FAM20A: variants seen among roughly 807,000 people sequenced by gnomAD.
FAM20A encodes pseudokinase FAM20A.
In FAM20A, 42 loss-of-function variants were observed where a neutral mutation model predicts 52.0. That is an observed-to-expected ratio of 0.81 (90% CI 0.63 to 1.04). The LOEUF is 1.04. Ranked by LOEUF, FAM20A falls within the 50% of genes least tolerant of loss-of-function variation. The pLI, the probability that FAM20A is intolerant of heterozygous loss-of-function variation, is 0.00. For synonymous variants in FAM20A, 304 were observed against 298.9 expected, an observed-to-expected ratio of 1.02 and a Z score of -0.18; for missense variants, 742 against 712.7, an observed-to-expected ratio of 1.04 and a Z score of -0.47.
intron 1 of FAM20A, among the ~76,000 whole-genome samples, chr17:68,581,461 CCTTT>C (rs68182732): frequency 0.3 from 36,149 of 119,262 alleles, 6,344 homozygotes; most frequent in Admixed American, 0.41. Context: ...TTCTTTCTTT[CCTTT>C]CTTTCTTTCT....
intron 1 of FAM20A, among the ~76,000 whole-genome samples, chr17:68,559,723 C>T (rs1256015146): frequency 1.3e-5 from 2 of 152,310 alleles, no homozygotes; most frequent in East Asian, 1.9e-4. Context: ...TGAGTTAACC[C>T]GCTTCCCATC....
intron 1 of FAM20A, among the ~76,000 whole-genome samples, chr17:68,579,013 CAA>C (rs377749546): frequency 1.3e-4 from 13 of 103,354 alleles, no homozygotes; most frequent in Admixed American, 1.0e-4. Context: ...GACTCTGTTT[CAA>C]AAAAAAAAAA....
intron 1 of FAM20A, chr17:68,590,452 G>C (rs2088273591): frequency 6.6e-6 from 1 of 152,054 alleles, no homozygotes; most frequent in African/African-American, 2.4e-5. Context: ...GTGGGAGAAA[G>C]AGACATGAAC....
intron 1 of FAM20A, among the ~76,000 whole-genome samples, chr17:68,591,093 CTGTTTTGTTTTGTTTTGTT>C (rs2088292131): frequency 1.3e-5 from 2 of 149,832 alleles, no homozygotes; most frequent in Non-Finnish European, 3.0e-5. Context: ...TCCAAGGACT[CTGTTTTGTTTTGTTTTGTT>C]TTGTTTTGTT....
intron 1 of FAM20A, among the ~76,000 whole-genome samples, chr17:68,564,888 G>A (rs1446615516): frequency 3.9e-5 from 6 of 152,182 alleles, no homozygotes; most frequent in African/African-American, 1.4e-4. Flanking sequence ...GAGTGCTCCA[G>A]ACAGGGAGGG....
intron 1 of FAM20A, among the ~76,000 whole-genome samples, chr17:68,580,929 A>G (rs1435974047): frequency 6.6e-6 from 1 of 152,204 alleles, no homozygotes; most frequent in East Asian, 1.9e-4. Flanking sequence ...TGCTAGTACA[A>G]GGCAGCGTTG....
At position 68,535,741 on chromosome 17, in the gene FAM20A, A is replaced by C. The variant is rs141955376; in HGVS notation, c.*1736T>G. The C allele has an allele frequency of 1.3e-4, 61 of 452,242 alleles. No homozygotes were observed. In the East Asian group the frequency reaches 3.4e-3, roughly 25 times the overall value. The allele number at this position is 452,242 out of a possible 1,614,324, so 28.0% of individuals were successfully genotyped here. On this transcript the variant is annotated 3_prime_UTR_variant, in exon 11 of 11. Transcript: ENST00000592554. ...TACCCAGGCTGGTCTCGAGCTCCTG[A>C]GACCAAGCGATCTGCCTGTTTAGGC... is the stretch of plus-strand genomic sequence containing the variant.
chr17:68,572,253 G>T (rs1371870376), intron 1 of FAM20A, among the ~76,000 whole-genome samples: 1 of 151,576 alleles, frequency 6.6e-6, no homozygotes, highest in Non-Finnish European at 1.5e-5. Flanking sequence ...TCATAACCTG[G>T]CTCCCTTCTC....
chr17:68,569,989 C>T (rs2143791612), intron 1 of FAM20A, among the ~76,000 whole-genome samples: 1 of 152,296 alleles, frequency 6.6e-6, no homozygotes, highest in Non-Finnish European at 1.5e-5. Flanking sequence ...TGTTCATCCA[C>T]CCCAGACACC....
rs562476869 is a variant in FAM20A at position 68,601,149 on chromosome 17, G to A, written c.-483C>T. On this transcript the variant is annotated 5_prime_UTR_variant, in exon 1 of 11. Transcript: ENST00000592554. ...CTCGGCGGCGGCTGCTAGTGCTCCC[G>A]CGACTCCTCCTGCGGGCGGCGGAGA... is the stretch of plus-strand genomic sequence containing the variant. 4.9e-3 allele frequency: 750 copies of A among 152,440 alleles called. 8 individuals are homozygous for A. The highest frequency in any genetic ancestry group is 0.017 in the African/African-American group (727 of 41,572). 9.4% of individuals were successfully genotyped at this position (152,440 alleles called of 1,614,324 possible).
chr17:68,539,411 AG>A lies in FAM20A; in HGVS notation c.1302-16del. The A allele has an allele frequency of 6.2e-7, 1 of 1,613,658 alleles. No homozygotes were observed. Among genetic ancestry groups the A allele is most frequent in the Non-Finnish European group, 8.5e-7 (1 of 1,179,566 alleles). ...GTCGTCCGAACCTAGGAGGAGAAAC[AG>A]GCTTTTATGGGTGGCCGGCAGCATC... On this transcript the variant is annotated splice_polypyrimidine_tract_variant and intron_variant, in intron 9 of 10. Coordinates refer to ENST00000592554, the MANE Select transcript of FAM20A (RefSeq NM_017565.4).
intron 1 of FAM20A, among the ~76,000 whole-genome samples, chr17:68,595,526 C>T (rs887901983): frequency 1.3e-5 from 2 of 152,182 alleles, no homozygotes; most frequent in East Asian, 1.9e-4. Context: ...CAGCAAGGCT[C>T]TAATTGGGAG....
At chr17:68,553,262 T>C (rs1030286358) in intron 3 of FAM20A, among the ~76,000 whole-genome samples, 2 of 152,188 alleles carry the variant, frequency 1.3e-5, no homozygotes, top group African/African-American at 4.8e-5. Flanking sequence ...CCTTCTGCCA[T>C]GATTGTAAGT....
chr17:68,588,468 C>T (rs2088218876), intron 1 of FAM20A, among the ~76,000 whole-genome samples: 2 of 152,192 alleles, frequency 1.3e-5, no homozygotes, highest in Non-Finnish European at 2.9e-5. Context: ...TCTAGGGATG[C>T]CATAACAAAA....
rs539826484 is a variant in FAM20A, at chr17:68,545,897, C to T, written c.720-2176G>A. On this transcript the variant is annotated intron_variant, in intron 4 of 10. Transcript: ENST00000592554. Reference sequence around the variant, plus strand: ...GAAGCCACTCCTTATTGGTCGGGTGCGGTGGCTCATGCCTGTAATCCAAGC... The same window carrying T: ...GAAGCCACTCCTTATTGGTCGGGTGTGGTGGCTCATGCCTGTAATCCAAGC... 1.4e-4 allele frequency among the ~76,000 whole-genome samples: 21 copies of T among 152,262 alleles called. No homozygotes were observed. In the South Asian group the frequency reaches 3.9e-3, roughly 29 times the overall value.
chr17:68,558,960 C>G (rs1386499233), intron 1 of FAM20A, among the ~76,000 whole-genome samples: 1 of 152,124 alleles, frequency 6.6e-6, no homozygotes, highest in Non-Finnish European at 1.5e-5. Flanking sequence ...GTTTTACCAT[C>G]TTGGCCAGGG....
At chr17:68,572,377 G>T (rs746628718) in intron 1 of FAM20A, among the ~76,000 whole-genome samples, 1 of 152,096 alleles carries the variant, frequency 6.6e-6, no homozygotes, top group Non-Finnish European at 1.5e-5. Flanking sequence ...CAATCCAGGC[G>T]TATTTGTTGA....
chr17:68,554,440 T>G (rs2086996268), intron 3 of FAM20A, among the ~76,000 whole-genome samples: 1 of 152,172 alleles, frequency 6.6e-6, no homozygotes, highest in Non-Finnish European at 1.5e-5. Context: ...CATTTGCTTC[T>G]TGAATTTGAA....
At chr17:68,578,380 A>G (rs1314564410) in intron 1 of FAM20A, among the ~76,000 whole-genome samples, 1 of 152,172 alleles carries the variant, frequency 6.6e-6, no homozygotes. Context: ...GCTCACTCAG[A>G]TTAAATTCTT....
Sources: allele counts gnomAD v4.1 joint callset (sites outside exome capture counted in the v4.1 genomes callset), GRCh38; gene constraint gnomAD v4.1.1; transcripts MANE v1.5; gene names NCBI Gene and HGNC (gene_info 2026-07-23, HGNC 2026-07-21).